Variants in OPRM1 observed in about 807,000 individuals in gnomAD.
The protein encoded by OPRM1 is mu-type opioid receptor.
Under a neutral mutation model 31.8 loss-of-function variants are expected in OPRM1, and 27 were observed. That is an observed-to-expected ratio of 0.85 (90% CI 0.63 to 1.17). OPRM1 has a LOEUF of 1.17. OPRM1 is among the 50% of genes most tolerant of loss of function. The pLI is 0.00. For missense variants in OPRM1, 536 were observed against 511.1 expected, an observed-to-expected ratio of 1.05 and a Z score of -0.47; for synonymous variants, 196 against 189.9, an observed-to-expected ratio of 1.03 and a Z score of -0.26.
chr6:154,228,987 C>T (rs1779489924), intron 3 of OPRM1, among the ~76,000 whole-genome samples: 1 of 152,224 alleles, frequency 6.6e-6, no homozygotes, highest in Non-Finnish European at 1.5e-5. Flanking sequence ...CTACCTCATT[C>T]CCCTAGATAA....
Position 154,122,326 on chromosome 6 carries a change from A to G in OPRM1, c.*3605A>G, listed in dbSNP as rs956715635. ...CAAGATTCTTGCCTGGATTCTCAACATAAGTCTTTACTCACAGGCCTATTG... is the reference window on the plus strand; with the variant it reads ...CAAGATTCTTGCCTGGATTCTCAACGTAAGTCTTTACTCACAGGCCTATTG... On this transcript the variant is annotated 3_prime_UTR_variant, in exon 4 of 4. Coordinates refer to ENST00000330432, the MANE Select transcript of OPRM1 (RefSeq NM_000914.5). Among the ~76,000 whole-genome samples, 9 of 152,198 alleles carry G rather than the reference A, an allele frequency of 5.9e-5. No homozygotes were observed. The highest frequency in any genetic ancestry group is 2.4e-5 in the African/African-American group (1 of 41,464).
chr6:154,021,703 G>T (rs1353786794), intron 1 of OPRM1, among the ~76,000 whole-genome samples: 3 of 152,086 alleles, frequency 2.0e-5, no homozygotes, highest in Non-Finnish European at 4.4e-5. Flanking sequence ...ATTTAACTTG[G>T]GGGAACTATT....
intron 1 of OPRM1, among the ~76,000 whole-genome samples, chr6:154,057,369 A>C (rs1309206056): frequency 1.3e-5 from 2 of 152,230 alleles, no homozygotes; most frequent in Non-Finnish European, 2.9e-5. Context: ...TTACCAGTTA[A>C]TAAATGCCAA....
intron 1 of OPRM1, among the ~76,000 whole-genome samples, chr6:154,078,842 C>A (rs1788434757): frequency 6.6e-6 from 1 of 152,128 alleles, no homozygotes; most frequent in Non-Finnish European, 1.5e-5. Context: ...TGTGCCACTG[C>A]ACTCCAGCCT....
chr6:154,036,079 G>C (rs1469179283), upstream of OPRM1, among the ~76,000 whole-genome samples: 1 of 151,872 alleles, frequency 6.6e-6, no homozygotes, highest in African/African-American at 2.4e-5. Flanking sequence ...CAATTGAGTA[G>C]GAAATGAACA....
intron 3 of OPRM1, among the ~76,000 whole-genome samples, chr6:154,173,454 A>G (rs1187383810): frequency 6.6e-6 from 1 of 152,252 alleles, no homozygotes; most frequent in African/African-American, 2.4e-5. Context: ...TAACTAGAAT[A>G]GCCAGTGTAG....
chr6:154,168,127 A>G lies in OPRM1; in HGVS notation c.1164+76655A>G, dbSNP rs1260739398. ...CTTTTGTCTCTTCTATTTGAAAAAA[A>G]AAAAGAAAGCAGTAACAATAAACCC... On this transcript the variant is annotated intron_variant, in intron 3 of 3. Coordinates refer to the OPRM1 transcript ENST00000337049. This position sits in a 1 kb window ranked among gnomAD's most constrained non-coding sequence, Gnocchi z 4.1. 3.3e-6 allele frequency: 5 copies of G among 1,525,862 alleles called. No individual in the cohort carries two copies. The highest frequency in any genetic ancestry group is 2.0e-5 in the Admixed American group (1 of 49,356). 94.5% of individuals were successfully genotyped at this position (1,525,862 alleles called of 1,614,324 possible).
At chr6:154,177,668 G>C (rs1242081824) in intron 3 of OPRM1, among the ~76,000 whole-genome samples, 1 of 152,198 alleles carries the variant, frequency 6.6e-6, no homozygotes, top group East Asian at 1.9e-4. Flanking sequence ...TGGAGAAATA[G>C]GAACACTTTT....
intron 1 of OPRM1, among the ~76,000 whole-genome samples, chr6:154,030,776 T>C (rs940741314): frequency 1.3e-5 from 2 of 152,174 alleles, no homozygotes; most frequent in African/African-American, 4.8e-5. Context: ...GACCTTGTTC[T>C]ATATCAATTT....
intron 1 of OPRM1, among the ~76,000 whole-genome samples, chr6:154,058,631 TC>T (rs1783800380): frequency 6.6e-6 from 1 of 152,166 alleles, no homozygotes; most frequent in South Asian, 2.1e-4. Context: ...AGAATATTGG[TC>T]CCTAGCAATG....
At chr6:154,205,481 G>A (rs1432061392) in intron 3 of OPRM1, among the ~76,000 whole-genome samples, 1 of 152,126 alleles carries the variant, frequency 6.6e-6, no homozygotes, top group Non-Finnish European at 1.5e-5. Flanking sequence ...TGTAATCCCA[G>A]CTACTTGGGA....
intron 1 of OPRM1, among the ~76,000 whole-genome samples, chr6:154,073,060 T>G (rs1292400862): frequency 6.6e-6 from 1 of 152,164 alleles, no homozygotes; most frequent in East Asian, 1.9e-4. Flanking sequence ...ATAATGGAAC[T>G]GAGAGAAATC....
At chr6:154,020,293 G>C (rs997634158) in intron 1 of OPRM1, among the ~76,000 whole-genome samples, 1 of 152,084 alleles carries the variant, frequency 6.6e-6, no homozygotes, top group Non-Finnish European at 1.5e-5. Flanking sequence ...GTTTTCAACA[G>C]TGGCTAGGTG....
rs3070836 is a variant in OPRM1, at chr6:154,127,106, C to CAA, written c.*8398_*8399dup. Among the ~76,000 whole-genome samples the CAA allele has an allele frequency of 0.66, 96,076 of 144,710 alleles. 32,082 individuals are homozygous for CAA. The highest frequency in any genetic ancestry group is 0.89 in the East Asian group (4,327 of 4,868). The allele number at this position is 144,710 out of a possible 152,430, so 94.9% of individuals were successfully genotyped here. ...CCTGGGCAACAGAATGAGATTGTCTCAAAAAAAAAAAAAAGTGCCACATGC... is the reference window on the plus strand; with the variant it reads ...CCTGGGCAACAGAATGAGATTGTCTCAAAAAAAAAAAAAAAAGTGCCACATGC... On this transcript the variant is annotated 3_prime_UTR_variant, in exon 4 of 4. Transcript: ENST00000330432.
At chr6:154,067,981 T>A (rs1355135808) in intron 1 of OPRM1, among the ~76,000 whole-genome samples, 1 of 152,156 alleles carries the variant, frequency 6.6e-6, no homozygotes, top group African/African-American at 2.4e-5. Context: ...TATTTACCTT[T>A]ACTGAGACCT....
chr6:154,134,123 A>C (rs952453378), downstream of OPRM1, among the ~76,000 whole-genome samples: 1 of 152,208 alleles, frequency 6.6e-6, no homozygotes, highest in Non-Finnish European at 1.5e-5. Context: ...AGATGATTAG[A>C]TTTGTCTTTC....
intron 3 of OPRM1, among the ~76,000 whole-genome samples, chr6:154,161,122 C>T (rs142439741): frequency 1.2e-4 from 19 of 152,312 alleles, no homozygotes; most frequent in African/African-American, 4.6e-4. Flanking sequence ...ATCTTCCTTG[C>T]CTTTCTTCAC....
chr6:154,147,559 G>A (rs1012522652), intron 3 of OPRM1, among the ~76,000 whole-genome samples: 3 of 152,112 alleles, frequency 2.0e-5, no homozygotes, highest in African/African-American at 7.2e-5. Context: ...CTGAGTGTGA[G>A]CATAGGCATA....
At chr6:154,143,097 A>G (rs1798264011) in intron 3 of OPRM1, among the ~76,000 whole-genome samples, 1 of 152,234 alleles carries the variant, frequency 6.6e-6, no homozygotes, top group South Asian at 2.1e-4. Flanking sequence ...ATATAAAAAA[A>G]GGTCACTAAC....
Sources: gnomAD v4.1 joint callset for allele counts (sites outside exome capture counted in the v4.1 genomes callset) on GRCh38, gnomAD v4.1.1 for gene constraint, Gnocchi (gnomAD v3.1) non-coding constraint, MANE v1.5 for transcripts, NCBI Gene and HGNC (gene_info 2026-07-23, HGNC 2026-07-21) for gene names.